Variants in WDR33 observed in about 807,000 individuals in gnomAD.
WDR33 encodes pre-mRNA 3' end processing protein WDR33.
In WDR33, 47 loss-of-function variants were observed where a neutral mutation model predicts 164.9. The observed-to-expected ratio is 0.29, with a 90% CI of 0.23 to 0.36. The LOEUF (loss-of-function observed/expected upper bound fraction) is 0.36, where lower values mean the gene tolerates loss of function less well. Among genes scored for constraint, WDR33 ranks in the 10% least tolerant of loss-of-function variants. The pLI is 1.00. For synonymous variants in WDR33, 505 were observed against 589.0 expected (o/e 0.86, Z 2.06); for missense variants, 1,137 against 1,754.1 (o/e 0.65, Z 6.28).
At position 127,724,044 on chromosome 2, in the gene WDR33, C is replaced by G. The variant is rs1486982700; in HGVS notation, c.1196+289G>C. 6.6e-6 allele frequency among the ~76,000 whole-genome samples: 1 copy of G among 151,376 alleles called. No homozygotes were observed. The highest frequency in any genetic ancestry group is 2.4e-5 in the African/African-American group (1 of 40,948). ...AGTGAGCTGAGACCGCACCATTGCA[C>G]GCCAGCCTGGACAGAGACCCTGTCT... On this transcript the variant is annotated intron_variant, in intron 11 of 21. Coordinates refer to ENST00000322313, the MANE Select transcript of WDR33 (RefSeq NM_018383.5). This position sits in a 1 kb window ranked among gnomAD's most constrained non-coding sequence, Gnocchi z 4.8.
At chr2:127,755,244 G>A (rs746551019) in intron 7 of WDR33, among the ~76,000 whole-genome samples, 3 of 152,046 alleles carry the variant, frequency 2.0e-5, no homozygotes, top group East Asian at 1.9e-4. Flanking sequence ...TCTACTTGTC[G>A]TTTTGAATCA....
chr2:127,792,344 A>T (rs145431282), intron 1 of WDR33, among the ~76,000 whole-genome samples: 499 of 152,252 alleles, frequency 3.3e-3, no homozygotes, highest in Middle Eastern at 0.01. Flanking sequence ...AAAAATTTCC[A>T]AACTGAGATG....
intron 1 of WDR33, among the ~76,000 whole-genome samples, chr2:127,803,930 G>A (rs1303051823): frequency 4.0e-5 from 5 of 125,800 alleles, no homozygotes; most frequent in Admixed American, 9.6e-5. Flanking sequence ...CCTGGGCAAC[G>A]AAGTGAGACC....
Position 127,720,004 on chromosome 2 carries a change from G to T in WDR33, c.2021C>A (p.Pro674His), listed in dbSNP as rs758190997. The T allele has an allele frequency of 5.6e-6, 9 of 1,613,812 alleles. No individual in the cohort carries two copies. The South Asian group carries it at 8.8e-5, about 16-fold the overall frequency. Residue 674 changes from proline (P) to histidine (H), a missense_variant, in exon 16 of 22, where the codon CCC (proline) becomes CAC (histidine). Transcript: ENST00000322313. This position sits in a 1 kb window ranked among gnomAD's most constrained non-coding sequence, Gnocchi z 5.9. ...GLPRPQDMHG[P>H]QGMQRHPGPH... ...TCCAGGATGCCTCTGCATTCCTTGG[G>T]GCCCATGCATGTCCTGAGGCCGTGG...
At position 127,725,682 on chromosome 2, in the gene WDR33, C is replaced by T. The variant is rs548369845; in HGVS notation, c.852-467G>A. On this transcript the variant is annotated intron_variant, in intron 8 of 21. Transcript: ENST00000322313. ...CCAGGAGGCAGAGGTTGCAGTGAGC[C>T]GAGATTGCACCAATGCACTCTAGTC... Among the ~76,000 whole-genome samples the T allele has an allele frequency of 2.3e-4, 35 of 151,432 alleles. No individual in the cohort carries two copies. The South Asian group carries it at 6.0e-3, about 26-fold the overall frequency.
At chr2:127,779,879 T>G (rs1042032128) in intron 1 of WDR33, among the ~76,000 whole-genome samples, 2 of 152,150 alleles carry the variant, frequency 1.3e-5, no homozygotes, top group Non-Finnish European at 2.9e-5. Context: ...TTTCCCAAAC[T>G]GAGATAACAG....
At chr2:127,793,592 T>C (rs1353337874) in intron 1 of WDR33, among the ~76,000 whole-genome samples, 1 of 151,824 alleles carries the variant, frequency 6.6e-6, no homozygotes, top group Non-Finnish European at 1.5e-5. Context: ...ATAAAATAAA[T>C]TAGCCGGGCA....
intron 1 of WDR33, among the ~76,000 whole-genome samples, chr2:127,804,953 G>A (rs1356752359): frequency 2.6e-5 from 4 of 151,788 alleles, no homozygotes; most frequent in Non-Finnish European, 4.4e-5. Flanking sequence ...GGTAAATTTG[G>A]CATTGTAAAT....
intron 1 of WDR33, among the ~76,000 whole-genome samples, chr2:127,804,032 T>C (rs1435395380): frequency 2.6e-5 from 4 of 150,956 alleles, no homozygotes; most frequent in East Asian, 3.9e-4. Flanking sequence ...ACGAAATATC[T>C]AGATTGGGAC....
intron 1 of WDR33, among the ~76,000 whole-genome samples, chr2:127,775,936 C>T (rs1484161398): frequency 6.6e-6 from 1 of 152,134 alleles, no homozygotes; most frequent in Non-Finnish European, 1.5e-5. Flanking sequence ...CAAAAAATCT[C>T]TTCACAATAC....
At chr2:127,792,845 T>C (rs1018202069) in intron 1 of WDR33, among the ~76,000 whole-genome samples, 2 of 152,110 alleles carry the variant, frequency 1.3e-5, no homozygotes, top group Non-Finnish European at 1.5e-5. Flanking sequence ...AATATAAAGT[T>C]CCATGGGGTC....
chr2:127,744,770 A>G (rs1026146951), intron 7 of WDR33, among the ~76,000 whole-genome samples: 1 of 152,120 alleles, frequency 6.6e-6, no homozygotes, highest in East Asian at 1.9e-4. Context: ...TCCACCACAG[A>G]TCTCAGGCTT....
chr2:127,750,680 ATATATATAT>A (rs1687312316), intron 7 of WDR33, among the ~76,000 whole-genome samples: 1 of 33,316 alleles, frequency 3.0e-5, no homozygotes, highest in Admixed American at 3.5e-4. Context: ...AAAAAAAAAT[ATATATATAT>A]ATATATATAT....
At position 127,717,309 on chromosome 2, in the gene WDR33, G is replaced by A; in HGVS notation, c.2761-46C>T. 1 of 1,468,824 alleles carries A rather than the reference G, an allele frequency of 6.8e-7. No homozygotes were observed. The highest frequency in any genetic ancestry group is 9.1e-7 in the Non-Finnish European group (1 of 1,098,106). 91.0% of individuals were successfully genotyped at this position (1,468,824 alleles called of 1,614,324 possible). A position where few individuals can be genotyped will look rare whatever the true frequency, so the allele number is the denominator to read the frequency against. ...TAAGGGTATGAAATCACAGGCTTGA[G>A]CTACATAAATAGTGATTGCATTATA... On this transcript the variant is annotated intron_variant, in intron 16 of 21. Coordinates refer to ENST00000322313, the MANE Select transcript of WDR33 (RefSeq NM_018383.5). The surrounding 1 kb of genome is among the most constrained non-coding windows in gnomAD (Gnocchi z 5.6).
At chr2:127,774,272 A>C (rs1373860305) in intron 1 of WDR33, among the ~76,000 whole-genome samples, 1 of 150,170 alleles carries the variant, frequency 6.7e-6, no homozygotes, top group South Asian at 2.1e-4. Context: ...GGCTGGTCTC[A>C]AACTTCTGGC....
chr2:127,762,676 G>A (rs912384354), intron 7 of WDR33: 11 of 1,012,078 alleles, frequency 1.1e-5, no homozygotes, highest in Non-Finnish European at 1.2e-5. Context: ...TATCTTGTCG[G>A]TTAATTCATA....
At chr2:127,789,867 ACT>A (rs1478178310) in intron 1 of WDR33, among the ~76,000 whole-genome samples, 4 of 151,926 alleles carry the variant, frequency 2.6e-5, no homozygotes, top group Non-Finnish European at 4.4e-5. Flanking sequence ...ACAGGGTCTC[ACT>A]CTGTCACCCA....
chr2:127,736,120 G>A (rs1686834071), intron 7 of WDR33: 1 of 985,346 alleles, frequency 1.0e-6, no homozygotes, highest in Non-Finnish European at 1.2e-6. Flanking sequence ...CTTTCAATAT[G>A]TACATTATTA....
chr2:127,791,791 A>C (rs1036892174), intron 1 of WDR33, among the ~76,000 whole-genome samples: 5 of 152,148 alleles, frequency 3.3e-5, no homozygotes, highest in African/African-American at 1.2e-4. Flanking sequence ...TTTTCTTTTC[A>C]ACTACCAGCA....
Sources: gnomAD v4.1 joint callset for allele counts (sites outside exome capture counted in the v4.1 genomes callset) on GRCh38, gnomAD v4.1.1 for gene constraint, Gnocchi (gnomAD v3.1) non-coding constraint, MANE v1.5 for transcripts, NCBI Gene and HGNC (gene_info 2026-07-23, HGNC 2026-07-21) for gene names.